CSGALNACT1: variants seen among roughly 807,000 people sequenced by gnomAD.
CSGALNACT1 encodes beta4GalNAcT-1.
CSGALNACT1 carries 52 observed loss-of-function variants against 51.0 expected under a neutral mutation model. That is an observed-to-expected ratio of 1.02 (90% CI 0.82 to 1.29). The LOEUF (loss-of-function observed/expected upper bound fraction) is 1.29, where lower values mean the gene tolerates loss of function less well. Ranked by LOEUF, CSGALNACT1 falls within the 50% of genes most tolerant of loss-of-function variation. The pLI is 0.00. For synonymous variants in CSGALNACT1, 341 were observed against 254.4 expected (o/e 1.34, Z -3.24); for missense variants, 935 against 679.2 (o/e 1.38, Z -4.19).
chr8:19,728,945 AAT>A (rs1164214340), intron 1 of CSGALNACT1, among the ~76,000 whole-genome samples: 3 of 152,172 alleles, frequency 2.0e-5, no homozygotes, highest in African/African-American at 7.2e-5. Flanking sequence ...ATGGGTTACA[AAT>A]ATGTTACTAA....
At chr8:19,438,819 A>C (rs1292731105) in intron 6 of CSGALNACT1, among the ~76,000 whole-genome samples, 1 of 152,264 alleles carries the variant, frequency 6.6e-6, no homozygotes, top group Non-Finnish European at 1.5e-5. Context: ...AATTATAACT[A>C]GCATTCAGAT....
intron 1 of CSGALNACT1, among the ~76,000 whole-genome samples, chr8:19,651,942 C>CT (rs947015794): frequency 1.4e-5 from 2 of 142,296 alleles, no homozygotes; most frequent in Non-Finnish European, 3.1e-5. Context: ...TTTGTTTTGA[C>CT]TTTTTTTAGA....
At chr8:19,698,380 T>C (rs919210231) in intron 1 of CSGALNACT1, among the ~76,000 whole-genome samples, 1 of 152,228 alleles carries the variant, frequency 6.6e-6, no homozygotes, top group Non-Finnish European at 1.5e-5. Flanking sequence ...CACTTGTTCA[T>C]GCTTTTGCTC....
chr8:19,685,187 G>T (rs2060901793), upstream of CSGALNACT1, among the ~76,000 whole-genome samples: 1 of 152,174 alleles, frequency 6.6e-6, no homozygotes, highest in African/African-American at 2.4e-5. Flanking sequence ...GAACAAATAT[G>T]TTAAAGTGCT....
chr8:19,569,348 A>G lies in CSGALNACT1; in HGVS notation c.-297+21812T>C, dbSNP rs2042528563. On this transcript the variant is annotated intron_variant, in intron 3 of 9. Transcript: ENST00000454498. The stretch of plus-strand genomic sequence containing the variant: ...ACTTGACTCACACTGCTGATGGACT[A>G]TTCTCTCTGACACCCTAGTGAAATA... Among the ~76,000 whole-genome samples the G allele has an allele frequency of 3.3e-5, 5 of 152,296 alleles. No individual in the cohort carries two copies. In the South Asian group the frequency reaches 1.0e-3, roughly 32 times the overall value.
intron 3 of CSGALNACT1, among the ~76,000 whole-genome samples, chr8:19,509,991 T>A (rs924303382): frequency 1.3e-5 from 2 of 151,874 alleles, no homozygotes; most frequent in South Asian, 2.1e-4. Context: ...GAGCAAGGAG[T>A]CCCTGTCAAC....
intron 1 of CSGALNACT1, among the ~76,000 whole-genome samples, chr8:19,639,999 C>T (rs1002305530): frequency 4.6e-5 from 7 of 151,942 alleles, no homozygotes; most frequent in South Asian, 2.1e-4. Flanking sequence ...TCTCCCACCT[C>T]GGCCTCCCAA....
At chr8:19,533,696 C>T (rs2083216479) in intron 3 of CSGALNACT1, among the ~76,000 whole-genome samples, 1 of 152,152 alleles carries the variant, frequency 6.6e-6, no homozygotes, top group Admixed American at 6.5e-5. Flanking sequence ...TGTGTATTAA[C>T]AGCATCGACA....
At chr8:19,563,219 T>C (rs748600988) in intron 3 of CSGALNACT1, among the ~76,000 whole-genome samples, 1 of 151,660 alleles carries the variant, frequency 6.6e-6, no homozygotes, top group Non-Finnish European at 1.5e-5. Flanking sequence ...TAAGTGGGAG[T>C]TGAACAATGA....
intron 8 of CSGALNACT1, among the ~76,000 whole-genome samples, chr8:19,415,996 C>G (rs2056790773): frequency 6.6e-6 from 1 of 151,732 alleles, no homozygotes; most frequent in African/African-American, 2.4e-5. Flanking sequence ...AAAACATTTT[C>G]TTGTAAGTGT....
Position 19,602,236 on chromosome 8 carries a change from G to A in CSGALNACT1, c.-755C>T, listed in dbSNP as rs899848179. The A allele has an allele frequency of 4.0e-5, 7 of 176,116 alleles. No homozygotes were observed. The South Asian group carries it at 6.1e-4, about 15-fold the overall frequency. The allele number at this position is 176,116 out of a possible 1,614,324, so 10.9% of individuals were successfully genotyped here. On this transcript the variant is annotated 5_prime_UTR_variant, in exon 1 of 10. Coordinates refer to ENST00000454498, the Ensembl canonical transcript of CSGALNACT1. The stretch of plus-strand genomic sequence containing the variant: ...GCTCTGCTTCCAATGCTCTGACAGC[G>A]CTGAAGTCACACTGGGGTTTCCAGG...
At chr8:19,608,596 C>A (rs1454949797) in intron 1 of CSGALNACT1, among the ~76,000 whole-genome samples, 1 of 152,216 alleles carries the variant, frequency 6.6e-6, no homozygotes, top group East Asian at 1.9e-4. Flanking sequence ...AAAATTACCA[C>A]ATTCCCAGCC....
At chr8:19,440,060 A>T (rs1204641517) in intron 5 of CSGALNACT1, 129 bp from the exon 5 acceptor site, 16 of 753,368 alleles carry the variant, frequency 2.1e-5, no homozygotes, top group Admixed American at 1.4e-4. Context: ...GAGAGCCGAG[A>T]TGGGAATCCA....
chr8:19,585,234 A>G (rs1475591792), intron 3 of CSGALNACT1: 2 of 152,210 alleles, frequency 1.3e-5, no homozygotes, highest in African/African-American at 2.4e-5. Flanking sequence ...GCAGCCCCAC[A>G]AAGGTTCTCT....
intron 1 of CSGALNACT1, among the ~76,000 whole-genome samples, chr8:19,667,012 A>AAGGAAGGAAGG (rs2059378990): frequency 1.5e-4 from 5 of 34,396 alleles, no homozygotes; most frequent in Admixed American, 3.0e-4. Flanking sequence ...AGAAAGAAAG[A>AAGGAAGGAAGG]AAGAAAGGAA....
In CSGALNACT1 at chr8:19,678,889, A is replaced by G. The variant is rs150032979; in HGVS notation, c.-544+3584T>C. The G allele has an allele frequency of 1.6e-3, 247 of 152,336 alleles. 2 individuals are homozygous for G. Among genetic ancestry groups the G allele is most frequent in the African/African-American group, 5.7e-3 (237 of 41,578 alleles). The allele number at this position is 152,336 out of a possible 1,614,324, so 9.4% of individuals were successfully genotyped here. On this transcript the variant is annotated intron_variant, in intron 1 of 9. Transcript: ENST00000332246. ...CATTATAATGACAGTAACTACAACA[A>G]TAATAGAAACCAATGCAATTAGTGG...
chr8:19,599,609 A>G (rs1365143505), intron 2 of CSGALNACT1, among the ~76,000 whole-genome samples: 1 of 152,134 alleles, frequency 6.6e-6, no homozygotes. Flanking sequence ...AGAAGGAAAG[A>G]AAGAATAAAT....
intron 1 of CSGALNACT1, among the ~76,000 whole-genome samples, chr8:19,716,983 T>C (rs2062848454): frequency 6.6e-6 from 1 of 152,178 alleles, no homozygotes; most frequent in African/African-American, 2.4e-5. Context: ...AGTTGTTGCA[T>C]GGCATTAGGC....
At chr8:19,406,234 G>T (rs531429951) in intron 9 of CSGALNACT1, among the ~76,000 whole-genome samples, 165 bp from the exon 9 acceptor site, 1 of 152,148 alleles carries the variant, frequency 6.6e-6, no homozygotes, top group Admixed American at 6.5e-5. Context: ...GAAGCCCCGA[G>T]AATTCCCCAA....
Sources: allele counts gnomAD v4.1 joint callset (sites outside exome capture counted in the v4.1 genomes callset), GRCh38; gene constraint gnomAD v4.1.1; transcripts MANE v1.5; gene names NCBI Gene and HGNC (gene_info 2026-07-23, HGNC 2026-07-21).